Variants in INPP4B observed in about 807,000 individuals in gnomAD.
The protein encoded by INPP4B is inositol polyphosphate 4-phosphatase type II.
Under a neutral mutation model 122.5 loss-of-function variants are expected in INPP4B, and 55 were observed. The ratio of observed to expected loss-of-function variants is 0.45; its 90% CI spans 0.36 to 0.56. INPP4B has a LOEUF of 0.56. INPP4B is among the 20% of genes least tolerant of loss of function. The probability of loss-of-function intolerance (pLI) is 0.00; values close to 1 mark genes in which losing one functional copy is unlikely to be tolerated. For synonymous variants in INPP4B, 403 were observed against 388.7 expected (o/e 1.04, Z -0.43); for missense variants, 1,000 against 1,097.7 (o/e 0.91, Z 1.26).
At chr4:142,308,866 T>C (rs1374845662) in intron 8 of INPP4B, among the ~76,000 whole-genome samples, 1 of 152,148 alleles carries the variant, frequency 6.6e-6, no homozygotes, top group African/African-American at 2.4e-5. Flanking sequence ...GAAGTGTGGC[T>C]CTAAATCAGT....
intron 3 of INPP4B, among the ~76,000 whole-genome samples, chr4:142,459,530 G>T (rs1816275708): frequency 1.3e-5 from 2 of 152,076 alleles, no homozygotes; most frequent in South Asian, 4.1e-4. Context: ...AAGACTAAAA[G>T]GTAGTAATGT....
intron 2 of INPP4B, among the ~76,000 whole-genome samples, chr4:142,722,318 A>T (rs550398105): frequency 1.2e-4 from 19 of 152,302 alleles, no homozygotes; most frequent in Admixed American, 3.9e-4. Flanking sequence ...AGAAGAAAGC[A>T]GACCAGACAT....
chr4:142,178,923 A>G (rs1829555895), intron 15 of INPP4B, among the ~76,000 whole-genome samples: 1 of 151,926 alleles, frequency 6.6e-6, no homozygotes, highest in Non-Finnish European at 1.5e-5. Flanking sequence ...AATATGGATC[A>G]CAAAAGAAAA....
At position 142,640,214 on chromosome 4, in the gene INPP4B, A is replaced by C. The variant is rs538855938; in HGVS notation, c.-191+85625T>G. On this transcript the variant is annotated intron_variant, in intron 2 of 25. Transcript: ENST00000262992. ...GTACCTAACAAACTAATTTAGAAAC[A>C]TAAATGAAAATGCAAAGAAATAACC... Among the ~76,000 whole-genome samples, 127 of 152,292 alleles carry C rather than the reference A, an allele frequency of 8.3e-4. No individual in the cohort carries two copies. The South Asian group carries it at 0.026, about 31-fold the overall frequency.
At chr4:142,471,870 T>TACACAC (rs145475720) in intron 2 of INPP4B, among the ~76,000 whole-genome samples, 41 of 150,652 alleles carry the variant, frequency 2.7e-4, no homozygotes, top group African/African-American at 9.7e-4. Context: ...CTCCATAGTA[T>TACACAC]ACACACACAC....
chr4:142,713,330 T>C (rs1228494646), intron 2 of INPP4B, among the ~76,000 whole-genome samples: 1 of 152,098 alleles, frequency 6.6e-6, no homozygotes, highest in African/African-American at 2.4e-5. Flanking sequence ...GAGATAGAAA[T>C]ATGGAAGTCA....
At chr4:142,292,694 T>G (rs1756943359) in intron 9 of INPP4B, among the ~76,000 whole-genome samples, 1 of 152,220 alleles carries the variant, frequency 6.6e-6, no homozygotes, top group Non-Finnish European at 1.5e-5. Context: ...AGACCATGTT[T>G]ATTATGATAC....
rs534290661 is a variant in INPP4B, at chr4:142,670,568, A to G, written c.-191+55271T>C. Among the ~76,000 whole-genome samples the G allele has an allele frequency of 5.3e-5, 8 of 152,290 alleles. No homozygotes were observed. The South Asian group carries it at 1.7e-3, about 32-fold the overall frequency. On this transcript the variant is annotated intron_variant, in intron 2 of 25. Transcript: ENST00000262992. The stretch of plus-strand genomic sequence containing the variant: ...GGCACAAAAAAAACTAATACTACAT[A>G]AATTTCAGTCATATGTAGAATAGAA...
chr4:142,389,669 T>C (rs1382682837), intron 7 of INPP4B, among the ~76,000 whole-genome samples: 1 of 152,188 alleles, frequency 6.6e-6, no homozygotes, highest in East Asian at 1.9e-4. Context: ...TCCCAAACTA[T>C]ACTGGAAAGA....
rs139965786 is a variant in INPP4B, at chr4:142,226,176, A to G, written c.836+11688T>C. On this transcript the variant is annotated intron_variant, in intron 12 of 25. Transcript: ENST00000262992. ...AGACCTACATAACTTGTCTGCACTC[A>G]ACCCAAGCTTGAAGGACTATAAAGT... Among the ~76,000 whole-genome samples the G allele has an allele frequency of 5.2e-3, 785 of 152,304 alleles. 11 individuals carry two copies. The highest frequency in any genetic ancestry group is 0.018 in the African/African-American group (740 of 41,576).
intron 24 of INPP4B, among the ~76,000 whole-genome samples, chr4:142,084,697 CA>C (rs1254265520): frequency 1.3e-5 from 2 of 152,028 alleles, no homozygotes; most frequent in Admixed American, 6.5e-5. Flanking sequence ...ATACACATTT[CA>C]AAAAAATATT....
chr4:142,484,730 T>C (rs934984771), intron 2 of INPP4B, among the ~76,000 whole-genome samples: 11 of 151,962 alleles, frequency 7.2e-5, no homozygotes, highest in African/African-American at 2.4e-4. Context: ...CTAGTATCCA[T>C]TAGTTATTTT....
At chr4:142,030,637 C>T (rs544751287) in intron 25 of INPP4B, among the ~76,000 whole-genome samples, 5 of 152,056 alleles carry the variant, frequency 3.3e-5, no homozygotes, top group Non-Finnish European at 5.9e-5. Flanking sequence ...TTTATGAATA[C>T]AACTAAAACA....
chr4:142,542,968 GA>G lies in INPP4B; in HGVS notation c.-190-80243del, dbSNP rs920550034. On this transcript the variant is annotated intron_variant, in intron 2 of 25. Coordinates refer to ENST00000262992, the MANE Select transcript of INPP4B (RefSeq NM_001101669.3). ...GAAAAAAGGTAGATGTTCAGAGAAA[GA>G]AAAAAAATGTATATGTATGCTTAAA... 2.4e-4 allele frequency among the ~76,000 whole-genome samples: 37 copies of G among 151,736 alleles called. No individual in the cohort carries two copies. In the East Asian group the frequency reaches 6.0e-3, roughly 25 times the overall value.
chr4:142,763,444 A>G (rs578050603), intron 1 of INPP4B, among the ~76,000 whole-genome samples: 1 of 152,286 alleles, frequency 6.6e-6, no homozygotes, highest in South Asian at 2.1e-4. Context: ...AATATGTAAA[A>G]CCAAGAAACA....
chr4:142,120,000 T>G (rs10006255), intron 21 of INPP4B, among the ~76,000 whole-genome samples: 18,949 of 151,692 alleles, frequency 0.12, 1,345 homozygotes, highest in East Asian at 0.23. Context: ...CTCTTACATT[T>G]AGATCTATAA....
chr4:142,829,532 G>T (rs1380713210), intron 1 of INPP4B, among the ~76,000 whole-genome samples: 1 of 152,018 alleles, frequency 6.6e-6, no homozygotes, highest in Admixed American at 6.6e-5. Context: ...TGCTATTCCT[G>T]AGTTTCTGCA....
chr4:142,593,551 A>G (rs1273821460), intron 2 of INPP4B, among the ~76,000 whole-genome samples: 2 of 151,842 alleles, frequency 1.3e-5, no homozygotes, highest in African/African-American at 4.8e-5. Context: ...TCAACTCTCT[A>G]CTTTCTCATT....
At chr4:142,062,764 A>AACAAACAAACAAACAG (rs1761677094) in intron 25 of INPP4B, among the ~76,000 whole-genome samples, 1 of 143,984 alleles carries the variant, frequency 6.9e-6, no homozygotes, top group Non-Finnish European at 1.5e-5. Context: ...CAAACAAACA[A>AACAAACAAACAAACAG]ACAAACAAAC....
Sources: gnomAD v4.1 joint callset for allele counts (sites outside exome capture counted in the v4.1 genomes callset) on GRCh38, gnomAD v4.1.1 for gene constraint, MANE v1.5 for transcripts, NCBI Gene and HGNC (gene_info 2026-07-23, HGNC 2026-07-21) for gene names.